The following ADGRF4 variants were observed in gnomAD, a reference collection of about 807,000 sequenced individuals.
The protein encoded by ADGRF4 is G-protein coupled receptor PGR18.
A neutral mutation model predicts 58.5 loss-of-function variants in ADGRF4; 63 were observed. The ratio of observed to expected loss-of-function variants is 1.08; its 90% CI spans 0.88 to 1.33. ADGRF4 has a LOEUF of 1.33. Among genes scored for constraint, ADGRF4 ranks in the 40% most tolerant of loss-of-function variants. ADGRF4 has a pLI of 0.00. For synonymous variants in ADGRF4, 313 were observed against 295.4 expected (o/e 1.06, Z -0.61); for missense variants, 931 against 843.9 (o/e 1.10, Z -1.28).
At chr6:47,720,995 C>T (rs927536183) in intron 9 of ADGRF4, among the ~76,000 whole-genome samples, 4 of 152,100 alleles carry the variant, frequency 2.6e-5, no homozygotes, top group African/African-American at 7.2e-5. Flanking sequence ...AGGCAAAGGG[C>T]ACCAAAAATT....
intron 9 of ADGRF4, 77 bp downstream of exon 9, chr6:47,718,522 T>C (rs908594104): frequency 2.4e-6 from 2 of 838,120 alleles, no homozygotes; most frequent in Non-Finnish European, 4.2e-6. Context: ...GACCACACTA[T>C]TGCCTGCTAC....
chr6:47,713,141 G>A (rs1771912437), intron 5 of ADGRF4, among the ~76,000 whole-genome samples: 2 of 152,182 alleles, frequency 1.3e-5, no homozygotes. Context: ...ATGATCTAAG[G>A]TGGAACAGTT....
At chr6:47,701,196 CTT>C (rs1353934600) in intron 1 of ADGRF4, among the ~76,000 whole-genome samples, 3 of 152,196 alleles carry the variant, frequency 2.0e-5, no homozygotes, top group African/African-American at 7.2e-5. Flanking sequence ...CAAATGTTAT[CTT>C]TTTCTTTGTA....
chr6:47,718,402 GC>G lies in ADGRF4; in HGVS notation c.2051del (p.Pro684GlnfsTer7). 1 of 1,572,834 alleles carries G rather than the reference GC, an allele frequency of 6.4e-7. No homozygotes were observed. The highest frequency in any genetic ancestry group is 8.8e-7 in the Non-Finnish European group (1 of 1,142,542). On this transcript the variant is annotated frameshift_variant, in exon 9 of 10. Coordinates refer to ENST00000283303, the MANE Select transcript of ADGRF4 (RefSeq NM_153838.5). LOFTEE classifies it high-confidence loss of function. ...KSRAAENASLGPTNGSKLMNR... is the reference protein window; with the variant it reads ...KSRAAENASLXPTNGSKLMNR... ...TCCCCCACTTAGAATGCATCACTAG[GC>G]CCAACCAATGGATCTAAATTAATGA... is the stretch of plus-strand genomic sequence containing the variant.
intron 3 of ADGRF4, 58 bp from the exon 4 acceptor site, chr6:47,710,677 A>G: frequency 6.6e-7 from 1 of 1,512,984 alleles, no homozygotes; most frequent in Non-Finnish European, 8.9e-7. Flanking sequence ...CACCTGTCAA[A>G]ATGTGGAAAT....
rs1771889273 is a variant in ADGRF4 at position 47,712,276 on chromosome 6, A to G, written c.301-81A>G. The G allele has an allele frequency of 7.9e-6, 11 of 1,391,842 alleles. No homozygotes were observed. The South Asian group carries it at 1.4e-4, about 17-fold the overall frequency. The allele number at this position is 1,391,842 out of a possible 1,614,324, so 86.2% of individuals were successfully genotyped here. Reference sequence around the variant, plus strand: ...GCTTCTCCATCTACCTTACCCATGTAGATTGTGCTTTAACTCCTTTAGTCT... The same window carrying G: ...GCTTCTCCATCTACCTTACCCATGTGGATTGTGCTTTAACTCCTTTAGTCT... On this transcript the variant is annotated intron_variant, in intron 4 of 9. Coordinates refer to ENST00000283303, the MANE Select transcript of ADGRF4 (RefSeq NM_153838.5).
chr6:47,714,798 G>T lies in ADGRF4; in HGVS notation c.1553G>T (p.Gly518Val), dbSNP rs756630238. 5 of 1,613,786 alleles carry T rather than the reference G, an allele frequency of 3.1e-6. No homozygotes were observed. In the Admixed American group the frequency reaches 8.3e-5, roughly 27 times the overall value. Residue 518 changes from glycine to valine, a missense_variant, in exon 6 of 10, where the codon GGC becomes GTC. Gly to Val is a moderately radical substitution (Grantham distance 109). Coordinates refer to ENST00000283303, the MANE Select transcript of ADGRF4 (RefSeq NM_153838.5). ...ATGAAGTCCCGAATGATGGTCATTG[G>T]CTTTGCCATTGGCTATGGGTGCCCA... ...RMMKSRMMVIGFAIGYGCPLI... is the reference protein window; with the variant it reads ...RMMKSRMMVIVFAIGYGCPLI...
At chr6:47,713,604 T>C (rs1771923527) in intron 5 of ADGRF4, among the ~76,000 whole-genome samples, 194 bp from the exon 6 acceptor site, 1 of 152,232 alleles carries the variant, frequency 6.6e-6, no homozygotes, top group Non-Finnish European at 1.5e-5. Context: ...AGCTGTGATT[T>C]TTTTTTGCAT....
Position 47,712,442 on chromosome 6 carries a change from A to T in ADGRF4, c.386A>T (p.Glu129Val). Residue 129 changes from glutamate (E) to valine (V), a missense_variant, in exon 5 of 10, where the codon GAG becomes GTG. Coordinates refer to ENST00000283303, the MANE Select transcript of ADGRF4 (RefSeq NM_153838.5). ...ILDFRAPETI[E>V]SVAQGIRKNC... The stretch of plus-strand genomic sequence containing the variant: ...GACTTTCGAGCTCCAGAGACCATTG[A>T]GAGTGTAGCTCAAGGAATCCGTAAG... 6.2e-7 allele frequency: 1 copy of T among 1,614,076 alleles called. No individual in the cohort carries two copies. Among genetic ancestry groups the T allele is most frequent in the Non-Finnish European group, 8.5e-7 (1 of 1,179,916 alleles).
At chr6:47,701,486 G>T (rs943673868) in intron 1 of ADGRF4, among the ~76,000 whole-genome samples, 2 of 152,096 alleles carry the variant, frequency 1.3e-5, no homozygotes, top group African/African-American at 4.8e-5. Context: ...GCCCTTATTG[G>T]GTGACTAGTA....
rs1210836104 is a variant in ADGRF4 at position 47,721,960 on chromosome 6, T to C, written c.*755T>C. The C allele has an allele frequency of 6.6e-6, 1 of 152,170 alleles. No individual in the cohort carries two copies. The highest frequency in any genetic ancestry group is 2.4e-5 in the African/African-American group (1 of 41,446). The allele number at this position is 152,170 out of a possible 1,614,324, so 9.4% of individuals were successfully genotyped here. On this transcript the variant is annotated 3_prime_UTR_variant, in exon 10 of 10. Coordinates refer to ENST00000283303, the MANE Select transcript of ADGRF4 (RefSeq NM_153838.5). ...ATATGTGTCTTTTAAAAATACTATA[T>C]ATAAAGAAGATTCTGGTTGTTATTT...
In ADGRF4 at chr6:47,714,416, A is replaced by C. The variant is rs1349906173; in HGVS notation, c.1171A>C (p.Met391Leu). 1.9e-6 allele frequency: 3 copies of C among 1,614,076 alleles called. No homozygotes were observed. Among genetic ancestry groups the C allele is most frequent in the Non-Finnish European group, 2.5e-6 (3 of 1,180,020 alleles). The change falls in exon 6 of 10, where the codon ATG (methionine) becomes CTG (leucine). Residue 391 changes from methionine to leucine, a missense_variant. Met to Leu is a conservative substitution (Grantham distance 15). Coordinates refer to ENST00000283303, the MANE Select transcript of ADGRF4 (RefSeq NM_153838.5). The part of the protein sequence containing the change: ...TSVVMSFSIL[M>L]SSKSMTDKVL... ...TGTGGTGATGTCTTTTTCCATTCTC[A>C]TGTCCTCCAAATCGATGACCGACAA... is the stretch of plus-strand genomic sequence containing the variant.
chr6:47,715,052 A>T lies in ADGRF4; in HGVS notation c.1807A>T (p.Ile603Phe). 1 of 1,613,378 alleles carries T rather than the reference A, an allele frequency of 6.2e-7. No homozygotes were observed. The highest frequency in any genetic ancestry group is 1.1e-5 in the South Asian group (1 of 91,066). Residue 603 changes from isoleucine to phenylalanine, a missense_variant, in exon 6 of 10, where the codon ATC becomes TTC. Ile to Phe is a conservative substitution (Grantham distance 21). Coordinates refer to ENST00000283303, the MANE Select transcript of ADGRF4 (RefSeq NM_153838.5). ...TCAGGATGTGGTCATAATTATGAGG[A>T]TCAGCAAAAATGTTGCCATCCTCAC... ...KSQDVVIIMRISKNVAILTPL... is the reference protein window; with the variant it reads ...KSQDVVIIMRFSKNVAILTPL...
chr6:47,716,986 GA>G lies in ADGRF4; in HGVS notation c.1974+149del, dbSNP rs920122964. On this transcript the variant is annotated intron_variant, in intron 7 of 9. Coordinates refer to ENST00000283303, the MANE Select transcript of ADGRF4 (RefSeq NM_153838.5). ...TGGTTCAAGGAATCAGCTGTGAAAAGAAAAAAAAAACACACCAATATTCTGT... is the reference window on the plus strand; with the variant it reads ...TGGTTCAAGGAATCAGCTGTGAAAAGAAAAAAAAACACACCAATATTCTGT... 4.2e-4 allele frequency: 238 copies of G among 568,288 alleles called. 1 individual carries two copies. The highest frequency in any genetic ancestry group is 5.3e-4 in the South Asian group (24 of 45,056). The allele number at this position is 568,288 out of a possible 1,614,324, so 35.2% of individuals were successfully genotyped here. A position where few individuals can be genotyped will look rare whatever the true frequency, so the allele number is the denominator to read the frequency against.
Position 47,713,815 on chromosome 6 carries a change from C to T in ADGRF4, c.570C>T (p.Ala190=). 1 of 1,554,186 alleles carries T rather than the reference C, an allele frequency of 6.4e-7. No individual in the cohort carries two copies. The highest frequency in any genetic ancestry group is 8.7e-7 in the Non-Finnish European group (1 of 1,152,036). ...CATTGCAGAGCTATAGTGAAGTGGC[C>T]AACCACATCCTCGACACAGCAGCCA... The part of the protein sequence containing the change: ...REKMKSYSEV[A]NHILDTAAIS... Residue 190 remains alanine, a synonymous_variant, in exon 6 of 10, where the codon GCC becomes GCT. Transcript: ENST00000283303.
intron 1 of ADGRF4, among the ~76,000 whole-genome samples, chr6:47,703,561 C>T (rs1045322695): frequency 1.3e-5 from 2 of 152,082 alleles, no homozygotes; most frequent in African/African-American, 4.8e-5. Context: ...TTTGTAATAT[C>T]GGAAGGAAAT....
intron 1 of ADGRF4, among the ~76,000 whole-genome samples, chr6:47,699,341 G>A (rs1561862779): frequency 6.6e-6 from 1 of 152,236 alleles, no homozygotes; most frequent in Non-Finnish European, 1.5e-5. Context: ...AGTTGTGAGA[G>A]GTCTAAAGTG....
chr6:47,712,662 A>G, intron 5 of ADGRF4, 54 bp downstream of exon 5: 1 of 1,346,744 alleles, frequency 7.4e-7, no homozygotes, highest in African/African-American at 1.5e-5. Context: ...TTTCATTTGA[A>G]TAGTTTCAAA....
rs1771999208 is a variant in ADGRF4, at chr6:47,715,788, A to G, written c.1932+611A>G. ...CACTACTCTTTTAAATAATGTAACT[A>G]AACATCAAAGTATTCCTATTAACAT... On this transcript the variant is annotated intron_variant, in intron 6 of 9. Transcript: ENST00000283303. 2.0e-5 allele frequency among the ~76,000 whole-genome samples: 3 copies of G among 152,230 alleles called. No homozygotes were observed. The South Asian group carries it at 6.2e-4, about 32-fold the overall frequency.
Sources: gnomAD v4.1 joint callset for allele counts (sites outside exome capture counted in the v4.1 genomes callset) on GRCh38, gnomAD v4.1.1 for gene constraint, MANE v1.5 for transcripts, NCBI Gene and HGNC (gene_info 2026-07-23, HGNC 2026-07-21) for gene names.